The following PRPF6 variants were observed in gnomAD, a reference collection of about 807,000 sequenced individuals.
PRPF6 encodes the protein pre-mRNA processing factor 6, also known as pre-mRNA-processing factor 6.
In PRPF6, 42 loss-of-function variants were observed where a neutral mutation model predicts 118.3. The observed-to-expected ratio is 0.35, with a 90% CI of 0.28 to 0.46. PRPF6 has a LOEUF of 0.46. Ranked by LOEUF, PRPF6 falls within the 20% of genes least tolerant of loss-of-function variation. The probability of loss-of-function intolerance (pLI) is 1.00; values close to 1 mark genes in which losing one functional copy is unlikely to be tolerated. For missense variants in PRPF6, 662 were observed against 1,255.7 expected, an observed-to-expected ratio of 0.53 and a Z score of 7.15; for synonymous variants, 481 against 485.1, an observed-to-expected ratio of 0.99 and a Z score of 0.11.
intron 2 of PRPF6, among the ~76,000 whole-genome samples, chr20:63,984,373 A>G: frequency 6.6e-6 from 1 of 151,834 alleles, no homozygotes; most frequent in East Asian, 1.9e-4. Context: ...GTGAGCCAAG[A>G]TTGCGCCACT....
At position 63,999,749 on chromosome 20, in the gene PRPF6, T is replaced by C; in HGVS notation, c.1013T>C (p.Met338Thr). The change falls in exon 8 of 21, where the codon ATG (methionine) becomes ACG (threonine). Residue 338 changes from methionine to threonine, a missense_variant. By Grantham distance (81) the Met-to-Thr change is moderately conservative (BLOSUM62 -1). This residue lies in a region of PRPF6 where 71 missense variants were observed against 166.4 expected (regional missense o/e 0.43). Transcript: ENST00000266079. ...ARNLIMKGTE[M>T]CPKSEDVWLE... ...AACCTTATCATGAAGGGGACGGAGA[T>C]GTGCCCCAAGGTGAGGTATTTCCTG... 1 of 1,614,138 alleles carries C rather than the reference T, an allele frequency of 6.2e-7. No homozygotes were observed. The highest frequency in any genetic ancestry group is 8.5e-7 in the Non-Finnish European group (1 of 1,180,000).
chr20:63,983,396 A>G (rs573324242), intron 2 of PRPF6, among the ~76,000 whole-genome samples, 181 bp downstream of exon 2: 2 of 152,176 alleles, frequency 1.3e-5, no homozygotes, highest in East Asian at 3.9e-4. Flanking sequence ...AGAAATGTGC[A>G]CTTTTTGTCC....
chr20:63,982,726 C>T (rs1421918712), intron 1 of PRPF6, among the ~76,000 whole-genome samples: 1 of 152,086 alleles, frequency 6.6e-6, no homozygotes, highest in East Asian at 1.9e-4. Context: ...TGAAACCCCC[C>T]AGAGCAGCTG....
rs1367485188 is a variant in PRPF6, at chr20:64,026,224, T to A, written c.2028+166T>A. 6.6e-6 allele frequency among the ~76,000 whole-genome samples: 1 copy of A among 151,966 alleles called. No homozygotes were observed. Among genetic ancestry groups the A allele is most frequent in the Non-Finnish European group, 1.5e-5 (1 of 67,902 alleles). ...AAAACATTCATGTGGCCGGGCGTGG[T>A]GGCCGGGCGCGGTGGCTCACGCCTG... On this transcript the variant is annotated intron_variant, in intron 15 of 20. Coordinates refer to ENST00000266079, the MANE Select transcript of PRPF6 (RefSeq NM_012469.4). This position sits in a 1 kb window ranked among gnomAD's most constrained non-coding sequence, Gnocchi z 4.4.
In PRPF6 at chr20:64,016,843, A is replaced by G. The variant is rs1476774956; in HGVS notation, c.1645A>G (p.Ser549Gly). ...RKHTWMEDAD[S>G]CVAHNALECA... ...GCATACCTGGATGGAGGATGCTGAC[A>G]GTGTGAGTTGGCAACAGGGGCCTTT... Residue 549 changes from serine to glycine, a missense_variant and splice_region_variant, in exon 12 of 21, where the codon AGT becomes GGT. Coordinates refer to ENST00000266079, the MANE Select transcript of PRPF6 (RefSeq NM_012469.4). The G allele has an allele frequency of 1.2e-6, 2 of 1,614,156 alleles. No individual in the cohort carries two copies. The highest frequency in any genetic ancestry group is 1.1e-5 in the South Asian group (1 of 91,086).
intron 9 of PRPF6, among the ~76,000 whole-genome samples, chr20:64,009,960 G>GT (rs1285884838): frequency 6.6e-6 from 1 of 152,158 alleles, no homozygotes; most frequent in Non-Finnish European, 1.5e-5. Context: ...CCTGAGTCCT[G>GT]TTGATATGAC....
chr20:64,015,860 G>A (rs992946309), intron 11 of PRPF6, among the ~76,000 whole-genome samples: 1 of 152,120 alleles, frequency 6.6e-6, no homozygotes, highest in South Asian at 2.1e-4. Flanking sequence ...GGGTGTGGTG[G>A]CTTATGCACT....
chr20:64,005,471 C>A (rs1190356535), intron 9 of PRPF6, among the ~76,000 whole-genome samples: 1 of 152,194 alleles, frequency 6.6e-6, no homozygotes, highest in Non-Finnish European at 1.5e-5. Context: ...TCTGTGTCTT[C>A]TCTCTATGCC....
Position 64,011,266 on chromosome 20 carries a change from T to C in PRPF6, c.1306-19T>C, listed in dbSNP as rs373852397. On this transcript the variant is annotated intron_variant, in intron 10 of 20. Coordinates refer to ENST00000266079, the MANE Select transcript of PRPF6 (RefSeq NM_012469.4). The surrounding 1 kb of genome is among the most constrained non-coding windows in gnomAD (Gnocchi z 6.7). Reference sequence around the variant, plus strand: ...CCAGCACAGTGTCCTCTCCTTTTTCTCGTGTCCTCTCCGCGTAGCTCTGGC... The same window carrying C: ...CCAGCACAGTGTCCTCTCCTTTTTCCCGTGTCCTCTCCGCGTAGCTCTGGC... 3.7e-6 allele frequency: 6 copies of C among 1,613,030 alleles called. No individual in the cohort carries two copies. The highest frequency in any genetic ancestry group is 5.1e-6 in the Non-Finnish European group (6 of 1,179,426).
chr20:64,017,099 C>T (rs1394221265), intron 12 of PRPF6, among the ~76,000 whole-genome samples: 4 of 152,166 alleles, frequency 2.6e-5, no homozygotes, highest in Non-Finnish European at 2.9e-5. Flanking sequence ...TGTGCCACCA[C>T]GCCCAGCTAA....
At chr20:64,020,848 G>A (rs1014603298) in intron 12 of PRPF6, among the ~76,000 whole-genome samples, 14 of 149,280 alleles carry the variant, frequency 9.4e-5, no homozygotes, top group Non-Finnish European at 5.9e-5. Context: ...GCGCAATGGC[G>A]CAATCTTGGC....
At chr20:64,001,306 TC>T in intron 9 of PRPF6, 67 bp downstream of exon 9, 1 of 1,569,106 alleles carries the variant, frequency 6.4e-7, no homozygotes, top group African/African-American at 1.4e-5. Flanking sequence ...GCTTTCCTGC[TC>T]CTGGCTCAGG....
intron 6 of PRPF6, 105 bp downstream of exon 6, chr20:63,995,587 TCTC>T (rs1164884227): frequency 1.9e-5 from 24 of 1,296,052 alleles, no homozygotes; most frequent in Non-Finnish European, 2.3e-5. Context: ...TTCTCCTCCT[TCTC>T]CTCCTCCTCC....
At chr20:64,030,701 C>A (rs1256612473) in intron 19 of PRPF6, among the ~76,000 whole-genome samples, 1 of 152,252 alleles carries the variant, frequency 6.6e-6, no homozygotes. Flanking sequence ...TCACTCCTTG[C>A]TATTCCCAAG....
chr20:64,032,102 C>T (rs1451972439), intron 20 of PRPF6, 58 bp downstream of exon 20: 56 of 1,610,948 alleles, frequency 3.5e-5, no homozygotes, highest in East Asian at 4.5e-5. Context: ...CGGGGAGTTC[C>T]GCCAGCCCTG....
intron 12 of PRPF6, among the ~76,000 whole-genome samples, chr20:64,019,042 A>G (rs541918030): frequency 1.1e-4 from 16 of 149,838 alleles, no homozygotes; most frequent in Admixed American, 2.7e-4. Context: ...ACACACATCA[A>G]TCCTTAGGTG....
rs188621942 is a variant in PRPF6 at position 64,022,748 on chromosome 20, C to G, written c.1648-9C>G. On this transcript the variant is annotated splice_polypyrimidine_tract_variant and intron_variant, in intron 12 of 20. Coordinates refer to ENST00000266079, the MANE Select transcript of PRPF6 (RefSeq NM_012469.4). The stretch of plus-strand genomic sequence containing the variant: ...GGGCTGCCCATTCTCATGTCTCTCT[C>G]TGCTCTAGTGTGTAGCCCACAATGC... 4.9e-4 allele frequency: 783 copies of G among 1,614,052 alleles called. 4 individuals are homozygous for G. In the African/African-American group the frequency reaches 9.1e-3, roughly 19 times the overall value.
chr20:64,022,959 A>G, intron 13 of PRPF6, 81 bp downstream of exon 13: 2 of 1,596,740 alleles, frequency 1.3e-6, no homozygotes, highest in East Asian at 2.2e-5. Flanking sequence ...TAAACCTCTC[A>G]TGTCTGCTCA....
At chr20:64,014,020 A>G (rs763671283) in intron 11 of PRPF6, among the ~76,000 whole-genome samples, 30 of 151,394 alleles carry the variant, frequency 2.0e-4, no homozygotes, top group Non-Finnish European at 2.7e-4. Flanking sequence ...TCTCTGCCAC[A>G]TTTGCTTCCT....
Sources: allele counts gnomAD v4.1 joint callset (sites outside exome capture counted in the v4.1 genomes callset), GRCh38; gene constraint gnomAD v4.1.1; regional missense constraint gnomAD v4.1.1; non-coding constraint Gnocchi (gnomAD v3.1); transcripts MANE v1.5; gene names NCBI Gene and HGNC (gene_info 2026-07-23, HGNC 2026-07-21).